Variants in CERS6 observed in about 807,000 individuals in gnomAD.
CERS6 encodes ceramide synthase 6.
Under a neutral mutation model 56.8 loss-of-function variants are expected in CERS6, and 26 were observed. The ratio of observed to expected loss-of-function variants is 0.46; its 90% CI spans 0.34 to 0.63. CERS6 has a LOEUF of 0.63. CERS6 is among the 30% of genes least tolerant of loss of function. CERS6 has a pLI of 0.01. For missense variants in CERS6, 415 were observed against 467.5 expected, an observed-to-expected ratio of 0.89 and a Z score of 1.04; for synonymous variants, 164 against 173.3, an observed-to-expected ratio of 0.95 and a Z score of 0.42.
intron 3 of CERS6, among the ~76,000 whole-genome samples, chr2:168,587,729 A>T (rs1178566779): frequency 1.3e-5 from 2 of 151,620 alleles, no homozygotes; most frequent in Non-Finnish European, 1.5e-5. Context: ...TACAATTAAC[A>T]TATTAATATA....
At chr2:168,680,758 A>G (rs1686194904) in intron 4 of CERS6, among the ~76,000 whole-genome samples, 2 of 152,204 alleles carry the variant, frequency 1.3e-5, no homozygotes, top group African/African-American at 4.8e-5. Flanking sequence ...TCATGTGAGG[A>G]TGCTGCAAGA....
chr2:168,535,669 G>GTTTTT lies in CERS6; in HGVS notation c.171-11912_171-11908dup, dbSNP rs59139047. Among the ~76,000 whole-genome samples, 3 of 115,596 alleles carry GTTTTT rather than the reference G, an allele frequency of 2.6e-5. 1 individual carries two copies. Among genetic ancestry groups the GTTTTT allele is most frequent in the Non-Finnish European group, 5.2e-5 (3 of 57,810 alleles). The allele number at this position is 115,596 out of a possible 152,430, so 75.8% of individuals were successfully genotyped here. Reference sequence around the variant, plus strand: ...CCTGCCCAACAATGTTTTGATACCAGTTTTTTTTTTTTTTTTTTTGAATGA... The same window carrying GTTTTT: ...CCTGCCCAACAATGTTTTGATACCAGTTTTTTTTTTTTTTTTTTTTTTTTGAATGA... On this transcript the variant is annotated intron_variant, in intron 1 of 9. Transcript: ENST00000305747.
intron 6 of CERS6, among the ~76,000 whole-genome samples, chr2:168,700,037 G>A (rs1686765991): frequency 6.6e-6 from 1 of 152,252 alleles, no homozygotes; most frequent in Non-Finnish European, 1.5e-5. Context: ...TCTCAGGGAA[G>A]CATCCCTGGC....
At chr2:168,670,977 C>A (rs563042691) in intron 4 of CERS6, among the ~76,000 whole-genome samples, 2 of 80,370 alleles carry the variant, frequency 2.5e-5, no homozygotes, top group Non-Finnish European at 4.1e-5. Context: ...CCCCCCCCCC[C>A]CCCAGACGGA....
Position 168,743,172 on chromosome 2 carries a change from G to GTA in CERS6, c.846-22419_846-22418insAT, listed in dbSNP as rs1191846732. On this transcript the variant is annotated intron_variant, in intron 8 of 9. Transcript: ENST00000305747. ...CATATATATATATATATGTATGTAT[G>GTA]TGTGTGTGTATGTGTGTGTGTATAT... Among the ~76,000 whole-genome samples the GTA allele has an allele frequency of 2.0e-5, 3 of 149,524 alleles. No homozygotes were observed. The South Asian group carries it at 6.3e-4, about 31-fold the overall frequency.
intron 1 of CERS6, among the ~76,000 whole-genome samples, chr2:168,517,103 T>C (rs1237604366): frequency 6.6e-6 from 1 of 152,030 alleles, no homozygotes; most frequent in African/African-American, 2.4e-5. Flanking sequence ...GGAGCCCAAA[T>C]GGACCAGAAC....
intron 4 of CERS6, among the ~76,000 whole-genome samples, chr2:168,639,679 G>T (rs2105305158): frequency 6.6e-6 from 1 of 152,214 alleles, no homozygotes; most frequent in South Asian, 2.1e-4. Flanking sequence ...TGTTTGGGAT[G>T]GGGGTGGGGT....
At chr2:168,654,597 T>G (rs1685424495) in intron 4 of CERS6, among the ~76,000 whole-genome samples, 1 of 151,804 alleles carries the variant, frequency 6.6e-6, no homozygotes. Context: ...ATTCACAAGG[T>G]AAGACCTACA....
chr2:168,624,561 A>G (rs1368139318), intron 3 of CERS6, among the ~76,000 whole-genome samples: 2 of 152,064 alleles, frequency 1.3e-5, no homozygotes, highest in African/African-American at 2.4e-5. Context: ...TAAAGTAAGT[A>G]CCCATGAAAT....
chr2:168,596,343 G>C (rs140439833), intron 3 of CERS6, among the ~76,000 whole-genome samples: 1 of 152,042 alleles, frequency 6.6e-6, no homozygotes, highest in African/African-American at 2.4e-5. Flanking sequence ...CGGGGGATTG[G>C]GGGGAGGGGT....
At chr2:168,510,323 G>C (rs578228038) in intron 1 of CERS6, among the ~76,000 whole-genome samples, 1 of 152,266 alleles carries the variant, frequency 6.6e-6, no homozygotes, top group East Asian at 1.9e-4. Context: ...CTCCATTCAT[G>C]GTAAGTGCCC....
At chr2:168,764,302 C>T (rs972619999) in intron 8 of CERS6, among the ~76,000 whole-genome samples, 1 of 151,918 alleles carries the variant, frequency 6.6e-6, no homozygotes, top group African/African-American at 2.4e-5. Context: ...GCCACCACAC[C>T]CGGCTAATTT....
chr2:168,521,812 C>T (rs1267029091), intron 1 of CERS6, among the ~76,000 whole-genome samples: 1 of 152,204 alleles, frequency 6.6e-6, no homozygotes, highest in Non-Finnish European at 1.5e-5. Context: ...GTGGAAAGAT[C>T]TAAATTAGAA....
chr2:168,698,236 GAAAAAAAAAAAAAAAAAAGAAA>G (rs201355417), intron 6 of CERS6, among the ~76,000 whole-genome samples: 611 of 124,904 alleles, frequency 4.9e-3, no homozygotes, highest in African/African-American at 0.013. Flanking sequence ...TGTCTCACAG[GAAAAAAAAAAAAAAAAAAGAAA>G]AAAAAAAAAA....
intron 4 of CERS6, among the ~76,000 whole-genome samples, chr2:168,672,074 A>T (rs1245453215): frequency 6.6e-6 from 1 of 152,210 alleles, no homozygotes; most frequent in Non-Finnish European, 1.5e-5. Flanking sequence ...AAGTTGTTTC[A>T]GTTGGAGTGA....
intron 8 of CERS6, among the ~76,000 whole-genome samples, chr2:168,720,173 A>C (rs886956810): frequency 6.6e-6 from 1 of 150,576 alleles, no homozygotes; most frequent in Non-Finnish European, 1.5e-5. Context: ...CAAGTGATCC[A>C]CCCGCCTCGG....
At chr2:168,580,376 G>A (rs1683379343) in intron 3 of CERS6, among the ~76,000 whole-genome samples, 1 of 151,780 alleles carries the variant, frequency 6.6e-6, no homozygotes, top group Non-Finnish European at 1.5e-5. Context: ...TATTTTGGTG[G>A]TTATCCTAGA....
At chr2:168,685,428 C>T (rs2105354911) in intron 4 of CERS6, among the ~76,000 whole-genome samples, 1 of 152,212 alleles carries the variant, frequency 6.6e-6, no homozygotes, top group Admixed American at 6.5e-5. Flanking sequence ...ATCAGATATC[C>T]TTTTCTCTGG....
chr2:168,671,415 A>G (rs1685914497), intron 4 of CERS6, among the ~76,000 whole-genome samples: 1 of 152,184 alleles, frequency 6.6e-6, no homozygotes, highest in African/African-American at 2.4e-5. Flanking sequence ...ATAGCTAGTT[A>G]CATCTTGTTA....
Sources: allele counts gnomAD v4.1 joint callset (sites outside exome capture counted in the v4.1 genomes callset), GRCh38; gene constraint gnomAD v4.1.1; transcripts MANE v1.5; gene names NCBI Gene and HGNC (gene_info 2026-07-23, HGNC 2026-07-21).